HERC2: variants seen among roughly 807,000 people sequenced by gnomAD.
HERC2 encodes the protein E3 ubiquitin-protein ligase HERC2.
HERC2 carries 102 observed loss-of-function variants against 537.7 expected under a neutral mutation model. The ratio of observed to expected loss-of-function variants is 0.19; its 90% confidence interval spans 0.16 to 0.22. The LOEUF (loss-of-function observed/expected upper bound fraction) is 0.22. Among genes scored for constraint, HERC2 ranks in the 10% least tolerant of loss-of-function variants. The probability of loss-of-function intolerance (pLI) is 1.00; values close to 1 mark genes in which losing one functional copy is unlikely to be tolerated. For missense variants in HERC2, 4,236 were observed against 6,198.2 expected (o/e 0.68, Z 10.63); for synonymous variants, 2,224 against 2,466.2 (o/e 0.90, Z 2.91).
At chr15:28,280,585 A>G (rs935901530) in intron 4 of HERC2, among the ~76,000 whole-genome samples, 8 of 152,094 alleles carry the variant, frequency 5.3e-5, no homozygotes, top group Non-Finnish European at 1.0e-4. Context: ...ACCATGGCAC[A>G]CTGCCTCTCT....
In HERC2 at chr15:28,254,341, T is replaced by G; in HGVS notation, c.3049A>C (p.Arg1017=). 6.3e-7 allele frequency: 1 copy of G among 1,575,194 alleles called. No individual in the cohort carries two copies. Among genetic ancestry groups the G allele is most frequent in the Non-Finnish European group, 8.6e-7 (1 of 1,161,814 alleles). ...PLVQLIQQLL[R]NIASQTVARL... The stretch of plus-strand genomic sequence containing the variant: ...TACAATACAGCTACTACGATTTACC[T>G]AAGAAGCTGTTGTATGAGCTGAACC... Residue 1017 remains arginine (R), a splice_region_variant and synonymous_variant, in exon 20 of 93, where the codon AGA becomes CGA. Coordinates refer to ENST00000261609, the MANE Select transcript of HERC2 (RefSeq NM_004667.6).
chr15:28,112,666 C>G (rs569062735), intron 92 of HERC2, among the ~76,000 whole-genome samples: 4 of 152,258 alleles, frequency 2.6e-5, no homozygotes, highest in African/African-American at 7.2e-5. Context: ...TTGTTTCTGA[C>G]CACCGGCCCA....
intron 23 of HERC2, among the ~76,000 whole-genome samples, chr15:28,240,214 G>A (rs372311463): frequency 6.6e-6 from 1 of 152,094 alleles, no homozygotes; most frequent in Non-Finnish European, 1.5e-5. Context: ...GTCAGGAGAT[G>A]GAGACCATCC....
intron 4 of HERC2, among the ~76,000 whole-genome samples, chr15:28,291,293 T>C (rs898358900): frequency 6.6e-6 from 1 of 152,090 alleles, no homozygotes; most frequent in Admixed American, 6.6e-5. Context: ...GGCACAATCA[T>C]AGATCACTGC....
intron 65 of HERC2, 98 bp from the exon 66 acceptor site, chr15:28,169,753 A>T: frequency 8.9e-7 from 1 of 1,127,016 alleles, no homozygotes; most frequent in Non-Finnish European, 1.3e-6. Context: ...AACACACTGC[A>T]ATCTGCATTT....
In HERC2 at chr15:28,274,937, G is replaced by A; in HGVS notation, c.611C>T (p.Ala204Val). The A allele has an allele frequency of 1.2e-6, 2 of 1,611,236 alleles. No individual in the cohort carries two copies. Among genetic ancestry groups the A allele is most frequent in the Non-Finnish European group, 8.5e-7 (1 of 1,179,944 alleles). Residue 204 changes from alanine (A) to valine (V), a missense_variant, in exon 6 of 93, where the codon GCC becomes GTC. Ala to Val is a moderately conservative substitution (Grantham distance 64). Transcript: ENST00000261609. ...CCAGGCCCTGCGCAGGAAGGCAAAG[G>A]CAAAAGACAGCGCCGCTCGGGATCC... is the stretch of plus-strand genomic sequence containing the variant. ...RVGSRAALSFAFAFLRRAWRS... is the reference protein window; with the variant it reads ...RVGSRAALSFVFAFLRRAWRS...
chr15:28,268,332 T>C lies in HERC2; in HGVS notation c.1598+133A>G. The C allele has an allele frequency of 1.4e-6, 1 of 715,646 alleles. No individual in the cohort carries two copies. The highest frequency in any genetic ancestry group is 2.2e-6 in the Non-Finnish European group (1 of 446,356). The allele number at this position is 715,646 out of a possible 1,614,324, so 44.3% of individuals were successfully genotyped here. On this transcript the variant is annotated intron_variant, in intron 12 of 92. Coordinates refer to ENST00000261609, the MANE Select transcript of HERC2 (RefSeq NM_004667.6). This position sits in a 1 kb window ranked among gnomAD's most constrained non-coding sequence, Gnocchi z 4.7. ...TCACCAAGGAGGAGGCATATCGTAG[T>C]GTCCTGCTCCATCCCAGCGCTACAT...
At chr15:28,308,284 A>AATTTCATGTGTGG (rs2076847668) in intron 2 of HERC2, among the ~76,000 whole-genome samples, 1 of 152,114 alleles carries the variant, frequency 6.6e-6, no homozygotes, top group Non-Finnish European at 1.5e-5. Flanking sequence ...TTCTTTGGTT[A>AATTTCATGTGTGG]CTTCCCAGGT....
At chr15:28,309,197 G>A (rs1415981854) in intron 2 of HERC2, among the ~76,000 whole-genome samples, 7 of 152,224 alleles carry the variant, frequency 4.6e-5, no homozygotes, top group Non-Finnish European at 1.0e-4. Flanking sequence ...TGCAGATTAA[G>A]TTTGATGTTT....
Position 28,143,893 on chromosome 15 carries a change from C to G in HERC2, c.11398G>C (p.Asp3800His), listed in dbSNP as rs773187653. ...ININRLLGEN[D>H]GETRALSFTG... Reference sequence around the variant, plus strand: ...CATACCAAAGCTCTTGTTTCCCCATCATTTTCTCCAAGCAGCCTATTTATG... The same window carrying G: ...CATACCAAAGCTCTTGTTTCCCCATGATTTTCTCCAAGCAGCCTATTTATG... The change falls in exon 74 of 93, where the codon GAT (aspartate) becomes CAT (histidine). Residue 3800 changes from aspartate to histidine, a missense_variant. Coordinates refer to ENST00000261609, the MANE Select transcript of HERC2 (RefSeq NM_004667.6). 49 of 1,614,030 alleles carry G rather than the reference C, an allele frequency of 3.0e-5. No individual in the cohort carries two copies. The South Asian group carries it at 5.3e-4, about 17-fold the overall frequency.
intron 78 of HERC2, among the ~76,000 whole-genome samples, 190 bp downstream of exon 78, chr15:28,141,242 T>A (rs1280343806): frequency 1.4e-5 from 2 of 147,072 alleles, no homozygotes; most frequent in Non-Finnish European, 3.0e-5. Flanking sequence ...GTCTTAAACT[T>A]TTTTTTTTTT....
chr15:28,255,278 T>C (rs1220752335), intron 19 of HERC2, among the ~76,000 whole-genome samples: 1 of 152,094 alleles, frequency 6.6e-6, no homozygotes, highest in African/African-American at 2.4e-5. Flanking sequence ...AAGGCTGCAG[T>C]GAGCCAACAT....
At chr15:28,222,305 G>T in intron 35 of HERC2, 90 bp from the exon 36 acceptor site, 1 of 630,464 alleles carries the variant, frequency 1.6e-6, no homozygotes, top group Non-Finnish European at 2.9e-6. Context: ...TACTAATGAA[G>T]ATCGTAATTT....
Position 28,280,426 on chromosome 15 carries a change from C to T in HERC2, c.323-139G>A, listed in dbSNP as rs906006993. On this transcript the variant is annotated intron_variant, in intron 4 of 92. Transcript: ENST00000261609. ...CAATAATGGTTTTAACCACTTTACA[C>T]ACATGAGCTCAGGCAACCCTCACAC... 1.5e-5 allele frequency: 10 copies of T among 665,408 alleles called. No individual in the cohort carries two copies. In the African/African-American group the frequency reaches 1.8e-4, roughly 12 times the overall value. The allele number at this position is 665,408 out of a possible 1,614,324, so 41.2% of individuals were successfully genotyped here.
rs915199272 is a variant in HERC2, at chr15:28,226,393, GGT to G, written c.5464+1823_5464+1824del. Among the ~76,000 whole-genome samples, 4 of 99,450 alleles carry G rather than the reference GGT, an allele frequency of 4.0e-5. No homozygotes were observed. The African/African-American group carries it at 4.9e-4, about 12-fold the overall frequency. The allele number at this position is 99,450 out of a possible 152,430, so 65.2% of individuals were successfully genotyped here. A position where few individuals can be genotyped will look rare whatever the true frequency, so the allele number is the denominator to read the frequency against. ...CAAAACTACAATGTTCAAAACAGGG[GGT>G]ACCTGCACAATTATCAACATATAGA... On this transcript the variant is annotated intron_variant, in intron 35 of 92. Transcript: ENST00000261609.
At chr15:28,144,944 G>T in intron 71 of HERC2, 140 bp from the exon 72 acceptor site, 1 of 1,001,172 alleles carries the variant, frequency 1.0e-6, no homozygotes, top group Non-Finnish European at 1.5e-6. Flanking sequence ...AAGCCGAAGT[G>T]CACAGTGACA....
chr15:28,314,326 A>G lies in HERC2; in HGVS notation c.72+7036T>C, dbSNP rs74482075. ...AGCCTGAGGAATGAACTAAAGTGTT[A>G]ACACTCTGCTCAGCAGATGTCAGCT... On this transcript the variant is annotated intron_variant, in intron 2 of 92. Transcript: ENST00000261609. Among the ~76,000 whole-genome samples the G allele has an allele frequency of 7.7e-4, 117 of 152,280 alleles. No individual in the cohort carries two copies. The East Asian group carries it at 0.016, about 21-fold the overall frequency.
intron 8 of HERC2, 35 bp from the exon 9 acceptor site, chr15:28,272,421 A>C (rs760809386): frequency 3.8e-6 from 6 of 1,562,010 alleles, no homozygotes; most frequent in Admixed American, 3.6e-5. Flanking sequence ...TAGTAAAAAC[A>C]GATTAACTTC....
intron 26 of HERC2, among the ~76,000 whole-genome samples, chr15:28,235,559 T>C (rs1448661735): frequency 6.6e-6 from 1 of 152,120 alleles, no homozygotes; most frequent in Non-Finnish European, 1.5e-5. Flanking sequence ...ACACCCACTC[T>C]CGAAAGCAGC....
Sources: gnomAD v4.1 joint callset for allele counts (sites outside exome capture counted in the v4.1 genomes callset) on GRCh38, gnomAD v4.1.1 for gene constraint, Gnocchi (gnomAD v3.1) non-coding constraint, MANE v1.5 for transcripts, NCBI Gene and HGNC (gene_info 2026-07-23, HGNC 2026-07-21) for gene names.